Variants in ATF2 observed in about 807,000 individuals in gnomAD.
ATF2 encodes activating transcription factor 2, also known as cyclic AMP-dependent transcription factor ATF-2.
In ATF2, 24 loss-of-function variants were observed where a neutral mutation model predicts 60.6. The ratio of observed to expected loss-of-function variants is 0.40; its 90% CI spans 0.29 to 0.56. ATF2 has a LOEUF of 0.56. Ranked by LOEUF, ATF2 falls within the 20% of genes least tolerant of loss-of-function variation. ATF2 has a pLI of 0.54. For missense variants in ATF2, 433 were observed against 607.7 expected (o/e 0.71, Z 3.02); for synonymous variants, 206 against 215.4 (o/e 0.96, Z 0.38).
intron 4 of ATF2, among the ~76,000 whole-genome samples, chr2:175,126,229 A>G (rs1697323819): frequency 6.6e-6 from 1 of 152,084 alleles, no homozygotes; most frequent in South Asian, 2.1e-4. Flanking sequence ...TCAAGATTCA[A>G]TTTTCCTCAC....
At chr2:175,111,522 C>T in intron 10 of ATF2, 46 bp downstream of exon 10, 1 of 1,513,766 alleles carries the variant, frequency 6.6e-7, no homozygotes, top group Non-Finnish European at 9.1e-7. Context: ...AACATTAATT[C>T]AAAACAGCCT....
At chr2:175,145,343 C>T (rs1401003825) in intron 2 of ATF2, among the ~76,000 whole-genome samples, 1 of 152,196 alleles carries the variant, frequency 6.6e-6, no homozygotes, top group African/African-American at 2.4e-5. Context: ...GTCCTCTCAA[C>T]AGTGAATGAA....
intron 13 of ATF2, among the ~76,000 whole-genome samples, chr2:175,078,529 C>T (rs1056599923): frequency 3.3e-5 from 5 of 152,094 alleles, no homozygotes; most frequent in South Asian, 2.1e-4. Context: ...GGTTTTCCCA[C>T]GACTGAGGGG....
intron 2 of ATF2, among the ~76,000 whole-genome samples, chr2:175,137,241 G>A (rs1031761556): frequency 1.1e-4 from 17 of 152,126 alleles, no homozygotes; most frequent in Non-Finnish European, 1.9e-4. Context: ...GGTGGATCTG[G>A]TATAGGAAAT....
intron 3 of ATF2, among the ~76,000 whole-genome samples, chr2:175,135,534 C>CA (rs1698078183): frequency 6.6e-6 from 1 of 152,002 alleles, no homozygotes; most frequent in Non-Finnish European, 1.5e-5. Context: ...ATCGTAAAGT[C>CA]AAAAAACACT....
intron 3 of ATF2, among the ~76,000 whole-genome samples, chr2:175,134,540 TAAA>T (rs34374458): frequency 3.0e-5 from 4 of 134,980 alleles, no homozygotes; most frequent in Non-Finnish European, 4.8e-5. Context: ...AAAACTGGTT[TAAA>T]AAAAAAAAAA....
chr2:175,159,782 A>G (rs1699905436), intron 1 of ATF2, among the ~76,000 whole-genome samples: 1 of 152,230 alleles, frequency 6.6e-6, no homozygotes, highest in South Asian at 2.1e-4. Context: ...TAACAAATAC[A>G]TAAATACAAA....
intron 10 of ATF2, among the ~76,000 whole-genome samples, chr2:175,099,598 T>C (rs1372100010): frequency 6.6e-6 from 1 of 152,226 alleles, no homozygotes; most frequent in Admixed American, 6.5e-5. Context: ...CTTGGAAACA[T>C]ACATTGTATA....
At chr2:175,133,825 A>G (rs1303970474) in intron 3 of ATF2, among the ~76,000 whole-genome samples, 1 of 152,168 alleles carries the variant, frequency 6.6e-6, no homozygotes, top group Non-Finnish European at 1.5e-5. Context: ...AAAAGAAAAG[A>G]TTGATAAAAC....
chr2:175,126,446 A>G (rs1464040453), intron 4 of ATF2, among the ~76,000 whole-genome samples: 1 of 152,194 alleles, frequency 6.6e-6, no homozygotes, highest in Non-Finnish European at 1.5e-5. Context: ...TAATTATCAG[A>G]CATTAGGGGA....
At position 175,139,411 on chromosome 2, in the gene ATF2, C is replaced by T. The variant is rs190323215; in HGVS notation, c.-43-2925G>A. ...AGATAGCCAGGCGCAGTGGCTCACG[C>T]CTGTAATGCCAGCACTTTGGGAGGC... On this transcript the variant is annotated intron_variant, in intron 2 of 13. Transcript: ENST00000264110. Among the ~76,000 whole-genome samples the T allele has an allele frequency of 3.3e-3, 509 of 152,272 alleles. 1 individual carries two copies. The highest frequency in any genetic ancestry group is 0.011 in the African/African-American group (471 of 41,576).
At chr2:175,108,366 G>C (rs1695878529) in intron 10 of ATF2, among the ~76,000 whole-genome samples, 2 of 151,572 alleles carry the variant, frequency 1.3e-5, no homozygotes, top group Middle Eastern at 3.2e-3. Flanking sequence ...CCGGGAGGGA[G>C]GTGGGGGGTC....
intron 13 of ATF2, among the ~76,000 whole-genome samples, chr2:175,079,727 T>A (rs758965234): frequency 2.0e-5 from 3 of 152,182 alleles, no homozygotes; most frequent in Non-Finnish European, 2.9e-5. Context: ...CCTGAGGAAC[T>A]GTTTGCATCC....
In ATF2 at chr2:175,160,890, T is replaced by C. The variant is rs1267600043; in HGVS notation, c.-143+7160A>G. ...CCCATCTCTACAAAAATTTAAAAAC[T>C]AGCTGAGTGTGGTGGCATGTGAGTG... is the stretch of plus-strand genomic sequence containing the variant. On this transcript the variant is annotated intron_variant, in intron 1 of 13. Coordinates refer to ENST00000264110, the MANE Select transcript of ATF2 (RefSeq NM_001880.4). Among the ~76,000 whole-genome samples the C allele has an allele frequency of 5.3e-5, 8 of 152,006 alleles. No individual in the cohort carries two copies. The East Asian group carries it at 1.5e-3, about 29-fold the overall frequency.
In ATF2 at chr2:175,097,455, T is replaced by C; in HGVS notation, c.967A>G (p.Thr323Ala). Residue 323 changes from threonine to alanine, a missense_variant, in exon 11 of 14, where the codon ACA becomes GCA. This residue lies in a region of ATF2 where 246 missense variants were observed against 309.3 expected (regional missense o/e 0.80). Transcript: ENST00000264110. ...QSLQQPATST[T>A]ETPASPAHTT... ...AACAACACACATACCGGAGTTTCTG[T>C]AGTGGATGTGGCTGGCTGTTGTAAT... is the stretch of plus-strand genomic sequence containing the variant. The C allele has an allele frequency of 1.2e-6, 2 of 1,613,952 alleles. No homozygotes were observed. Among genetic ancestry groups the C allele is most frequent in the South Asian group, 2.2e-5 (2 of 91,054 alleles).
intron 9 of ATF2, among the ~76,000 whole-genome samples, chr2:175,112,212 T>C (rs1696246648): frequency 6.6e-6 from 1 of 152,180 alleles, no homozygotes; most frequent in Non-Finnish European, 1.5e-5. Flanking sequence ...ATAAAGCATA[T>C]CTTTTCTTTC....
At chr2:175,110,557 A>G (rs1016077643) in intron 10 of ATF2, among the ~76,000 whole-genome samples, 7 of 152,124 alleles carry the variant, frequency 4.6e-5, no homozygotes, top group Non-Finnish European at 1.0e-4. Context: ...TAATTAACTG[A>G]CATTATTGTA....
At chr2:175,159,693 T>C (rs1699900542) in intron 1 of ATF2, among the ~76,000 whole-genome samples, 1 of 152,220 alleles carries the variant, frequency 6.6e-6, no homozygotes, top group African/African-American at 2.4e-5. Context: ...TTAAATTAAA[T>C]ATTTTTTAAG....
chr2:175,167,664 C>T, intron 1 of ATF2: 1 of 506,590 alleles, frequency 2.0e-6, no homozygotes, highest in African/African-American at 1.9e-5. Flanking sequence ...CCTGCGCACA[C>T]GGCTGACTCG....
Sources: allele counts gnomAD v4.1 joint callset (sites outside exome capture counted in the v4.1 genomes callset), GRCh38; gene constraint gnomAD v4.1.1; regional missense constraint gnomAD v4.1.1; transcripts MANE v1.5; gene names NCBI Gene and HGNC (gene_info 2026-07-23, HGNC 2026-07-21).